AP3S1: variants seen among roughly 807,000 people sequenced by gnomAD.
AP3S1 encodes AP-3 complex subunit sigma-1.
Under a neutral mutation model 21.3 loss-of-function variants are expected in AP3S1, and 12 were observed. That is an observed-to-expected ratio of 0.56 (90% CI 0.36 to 0.91). The LOEUF (loss-of-function observed/expected upper bound fraction) is 0.91. Ranked by LOEUF, AP3S1 falls within the 40% of genes least tolerant of loss-of-function variation. The pLI, the probability that AP3S1 is intolerant of heterozygous loss-of-function variation, is 0.01. For synonymous variants in AP3S1, 48 were observed against 78.4 expected (o/e 0.61, Z 2.05); for missense variants, 116 against 225.0 (o/e 0.52, Z 3.10).
intron 3 of AP3S1, among the ~76,000 whole-genome samples, chr5:115,894,682 A>T (rs528520639): frequency 6.6e-6 from 1 of 152,326 alleles, no homozygotes; most frequent in South Asian, 2.1e-4. Flanking sequence ...TTTGATAATT[A>T]AAAATTACTG....
intron 3 of AP3S1, among the ~76,000 whole-genome samples, chr5:115,891,615 C>T (rs1031216653): frequency 9.9e-5 from 15 of 152,118 alleles, no homozygotes; most frequent in African/African-American, 2.7e-4. Flanking sequence ...CATGGAGAAC[C>T]TCTACTAGGG....
At chr5:115,842,138 G>T in intron 1 of AP3S1, 32 bp downstream of exon 1, 6 of 1,523,962 alleles carry the variant, frequency 3.9e-6, no homozygotes, top group African/African-American at 1.4e-5. Flanking sequence ...ATCCGGGCGA[G>T]GGGGAGTCGT....
At chr5:115,845,740 A>G (rs934649034) in intron 1 of AP3S1, among the ~76,000 whole-genome samples, 3 of 146,160 alleles carry the variant, frequency 2.1e-5, no homozygotes, top group Non-Finnish European at 4.5e-5. Flanking sequence ...CGAGGCTGAG[A>G]TAGGAGAATT....
At chr5:115,863,510 G>C in intron 1 of AP3S1, among the ~76,000 whole-genome samples, 1 of 152,058 alleles carries the variant, frequency 6.6e-6, no homozygotes, top group East Asian at 1.9e-4. Flanking sequence ...GAGGTGGGTT[G>C]CAGTGAGTCA....
At chr5:115,870,164 C>A (rs1748099335) in intron 3 of AP3S1, 36 bp downstream of exon 3, 2 of 1,283,686 alleles carry the variant, frequency 1.6e-6, no homozygotes, top group Non-Finnish European at 2.2e-6. Flanking sequence ...TCTTAAATAA[C>A]AGTTTGACAT....
intron 5 of AP3S1, among the ~76,000 whole-genome samples, chr5:115,907,570 A>G (rs1751755927): frequency 6.6e-6 from 1 of 152,208 alleles, no homozygotes; most frequent in African/African-American, 2.4e-5. Flanking sequence ...TTACCAAATT[A>G]CCAAATCACC....
At chr5:115,894,283 A>G (rs751190095) in intron 3 of AP3S1, among the ~76,000 whole-genome samples, 2 of 152,228 alleles carry the variant, frequency 1.3e-5, no homozygotes, top group Admixed American at 6.5e-5. Context: ...GGTCAGTCAC[A>G]TAGGTATGTC....
At chr5:115,877,884 A>G (rs1167292046) in intron 3 of AP3S1, among the ~76,000 whole-genome samples, 2 of 152,122 alleles carry the variant, frequency 1.3e-5, no homozygotes, top group African/African-American at 4.8e-5. Context: ...CTTTTTAATG[A>G]TCGCCATTCT....
intron 5 of AP3S1, among the ~76,000 whole-genome samples, chr5:115,908,637 C>A (rs1356616166): frequency 1.3e-5 from 2 of 152,066 alleles, no homozygotes; most frequent in Non-Finnish European, 2.9e-5. Flanking sequence ...ATAATCCGTA[C>A]AAAATGACTA....
intron 2 of AP3S1, among the ~76,000 whole-genome samples, chr5:115,868,077 T>C (rs371735810): frequency 1.4e-3 from 211 of 152,290 alleles, no homozygotes; most frequent in African/African-American, 4.7e-3. Context: ...TAACAGGATT[T>C]CTCAGTCCTG....
intron 1 of AP3S1, among the ~76,000 whole-genome samples, chr5:115,858,739 AT>A (rs1270399502): frequency 6.6e-6 from 1 of 150,920 alleles, no homozygotes; most frequent in Non-Finnish European, 1.5e-5. Context: ...TTCTCCATAT[AT>A]TTTAAATTCC....
At chr5:115,897,667 C>T (rs1054520276) in intron 4 of AP3S1, among the ~76,000 whole-genome samples, 3 of 151,994 alleles carry the variant, frequency 2.0e-5, no homozygotes, top group Non-Finnish European at 4.4e-5. Context: ...TCACTCCATT[C>T]TCCTGCCTCA....
intron 2 of AP3S1, among the ~76,000 whole-genome samples, chr5:115,868,987 G>A (rs1265477976): frequency 7.1e-6 from 1 of 141,758 alleles, no homozygotes; most frequent in Non-Finnish European, 1.6e-5. Flanking sequence ...GGGAGGGAGA[G>A]ATGCCATTTT....
intron 4 of AP3S1, among the ~76,000 whole-genome samples, chr5:115,901,382 T>C (rs143245270): frequency 9.5e-4 from 142 of 148,728 alleles, no homozygotes; most frequent in Middle Eastern, 3.4e-3. Flanking sequence ...TTTAGTCATT[T>C]GCCTATATTC....
intron 3 of AP3S1, among the ~76,000 whole-genome samples, chr5:115,874,038 G>C (rs1319407279): frequency 6.6e-6 from 1 of 151,944 alleles, no homozygotes; most frequent in Non-Finnish European, 1.5e-5. Context: ...CTGGGAGAAG[G>C]CATTATTAAT....
At chr5:115,855,701 A>G (rs1762756348) in intron 1 of AP3S1, among the ~76,000 whole-genome samples, 1 of 152,220 alleles carries the variant, frequency 6.6e-6, no homozygotes, top group Non-Finnish European at 1.5e-5. Flanking sequence ...AAAACTATAA[A>G]TTCAAAATAA....
chr5:115,850,919 C>G (rs780232094), intron 1 of AP3S1, among the ~76,000 whole-genome samples: 3 of 152,048 alleles, frequency 2.0e-5, no homozygotes, highest in Non-Finnish European at 4.4e-5. Flanking sequence ...ATGGAGTGGG[C>G]TGATACTAAG....
intron 3 of AP3S1, among the ~76,000 whole-genome samples, chr5:115,885,388 C>T (rs1749690301): frequency 6.6e-6 from 1 of 152,136 alleles, no homozygotes; most frequent in Admixed American, 6.5e-5. Context: ...GGTCAAAGGC[C>T]AGAGAGTTCC....
rs1054174860 is a variant in AP3S1 at position 115,891,764 on chromosome 5, C to G, written c.274-3323C>G. Among the ~76,000 whole-genome samples the G allele has an allele frequency of 2.5e-4, 38 of 152,108 alleles. 1 individual carries two copies. The highest frequency in any genetic ancestry group is 2.5e-3 in the Admixed American group (38 of 15,264). On this transcript the variant is annotated intron_variant, in intron 3 of 5. Coordinates refer to ENST00000316788, the MANE Select transcript of AP3S1 (RefSeq NM_001284.4). The stretch of plus-strand genomic sequence containing the variant: ...TCCACTGACAGCTTGCACTGTATTC[C>G]TGGAAAAGCCACAGACGCTCAACAC...
Sources: allele counts gnomAD v4.1 joint callset (sites outside exome capture counted in the v4.1 genomes callset), GRCh38; gene constraint gnomAD v4.1.1; transcripts MANE v1.5; gene names NCBI Gene and HGNC (gene_info 2026-07-23, HGNC 2026-07-21).